PALM2AKAP2: variants seen among roughly 807,000 people sequenced by gnomAD.
The protein encoded by PALM2AKAP2 is PALM2 and AKAP2 fusion.
A neutral mutation model predicts 71.5 loss-of-function variants in PALM2AKAP2; 37 were observed. The ratio of observed to expected loss-of-function variants is 0.52; its 90% CI spans 0.40 to 0.68. The LOEUF (loss-of-function observed/expected upper bound fraction) is 0.68. Ranked by LOEUF, PALM2AKAP2 falls within the 30% of genes least tolerant of loss-of-function variation. PALM2AKAP2 has a pLI of 0.00. For missense variants in PALM2AKAP2, 1,224 were observed against 1,191.8 expected (o/e 1.03, Z -0.40); for synonymous variants, 468 against 478.8 (o/e 0.98, Z 0.29).
At chr9:109,743,137 C>T (rs1456130459) in intron 1 of PALM2AKAP2, among the ~76,000 whole-genome samples, 1 of 152,076 alleles carries the variant, frequency 6.6e-6, no homozygotes, top group African/African-American at 2.4e-5. Flanking sequence ...CTCTATTCAC[C>T]CAACCTCCAC....
At chr9:109,688,705 G>A (rs1178996900) in intron 1 of PALM2AKAP2, among the ~76,000 whole-genome samples, 1 of 152,220 alleles carries the variant, frequency 6.6e-6, no homozygotes, top group Admixed American at 6.5e-5. Flanking sequence ...GATTAAGCTT[G>A]CAGTATGAGT....
chr9:110,025,083 A>C, intron 7 of PALM2AKAP2: 2 of 1,089,084 alleles, frequency 1.8e-6, no homozygotes, highest in Non-Finnish European at 1.4e-6. Context: ...TAATGTGCTC[A>C]ATATGCACAT....
intron 1 of PALM2AKAP2, among the ~76,000 whole-genome samples, chr9:109,715,823 T>C (rs1428751381): frequency 6.6e-6 from 1 of 152,240 alleles, no homozygotes; most frequent in Non-Finnish European, 1.5e-5. Context: ...CCATTTCTTC[T>C]TCTTCTTTCT....
chr9:109,658,898 T>C (rs1403493067), intron 1 of PALM2AKAP2, among the ~76,000 whole-genome samples: 1 of 152,196 alleles, frequency 6.6e-6, no homozygotes, highest in Non-Finnish European at 1.5e-5. Context: ...AAAGTACTTA[T>C]AAATAAATAT....
At chr9:109,868,917 G>A (rs921875783) in intron 2 of PALM2AKAP2, among the ~76,000 whole-genome samples, 4 of 152,184 alleles carry the variant, frequency 2.6e-5, no homozygotes, top group African/African-American at 9.7e-5. Flanking sequence ...CAGAGAGGGG[G>A]CCTTAAAAAC....
At chr9:110,131,036 ATC>A (rs1835723932) in intron 1 of PALM2AKAP2, among the ~76,000 whole-genome samples, 1 of 152,152 alleles carries the variant, frequency 6.6e-6, no homozygotes, top group African/African-American at 2.4e-5. Flanking sequence ...GGGGCGTGGG[ATC>A]TCTCATTGGA....
At chr9:109,770,729 T>A (rs1829247201) in intron 1 of PALM2AKAP2, among the ~76,000 whole-genome samples, 1 of 151,194 alleles carries the variant, frequency 6.6e-6, no homozygotes, top group African/African-American at 2.4e-5. Context: ...CACTCAGGAG[T>A]TTTTACTGGA....
At chr9:110,126,917 G>A (rs1192962853) in intron 1 of PALM2AKAP2, among the ~76,000 whole-genome samples, 2 of 152,208 alleles carry the variant, frequency 1.3e-5, no homozygotes, top group Admixed American at 6.5e-5. Flanking sequence ...TATGGTGCTG[G>A]GGGAGACTCC....
intron 1 of PALM2AKAP2, among the ~76,000 whole-genome samples, chr9:109,689,156 AT>A (rs1374971747): frequency 2.7e-5 from 4 of 147,086 alleles, no homozygotes. Flanking sequence ...CTGATCTTCA[AT>A]TTTTTCATCT....
intron 1 of PALM2AKAP2, among the ~76,000 whole-genome samples, chr9:109,695,536 C>T (rs1827957933): frequency 6.6e-6 from 1 of 152,034 alleles, no homozygotes. Flanking sequence ...ATTTGCGTTT[C>T]CCTGATGATT....
At chr9:109,641,993 T>C (rs1827076245) in intron 1 of PALM2AKAP2, among the ~76,000 whole-genome samples, 1 of 152,360 alleles carries the variant, frequency 6.6e-6, no homozygotes, top group South Asian at 2.1e-4. Context: ...ACTGCTGTTA[T>C]TGATTTCCTA....
At chr9:109,833,977 C>G (rs535032410) in intron 1 of PALM2AKAP2, among the ~76,000 whole-genome samples, 1 of 152,304 alleles carries the variant, frequency 6.6e-6, no homozygotes. Context: ...CTTCGGGAGG[C>G]CAAGGCGGGC....
At chr9:109,700,141 T>C (rs1828031646) in intron 1 of PALM2AKAP2, among the ~76,000 whole-genome samples, 2 of 152,138 alleles carry the variant, frequency 1.3e-5, no homozygotes, top group South Asian at 4.1e-4. Flanking sequence ...ACCAAATTCA[T>C]TCTGCACTTG....
Position 110,138,546 on chromosome 9 carries a change from G to A in PALM2AKAP2, c.2569+7G>A, listed in dbSNP as rs768964636. The A allele has an allele frequency of 6.3e-7, 1 of 1,582,258 alleles. No individual in the cohort carries two copies. The highest frequency in any genetic ancestry group is 8.6e-7 in the Non-Finnish European group (1 of 1,165,646). On this transcript the variant is annotated splice_region_variant and intron_variant, in intron 2 of 3. Coordinates refer to ENST00000374525, the Ensembl canonical transcript of PALM2AKAP2. ...TGCTACAAAACTGCTCCAGGTAAGT[G>A]AGGTGCCTCACATGAGAGACAGATG...
intron 6 of PALM2AKAP2, among the ~76,000 whole-genome samples, chr9:110,014,243 T>A (rs1214799160): frequency 6.6e-6 from 1 of 152,130 alleles, no homozygotes; most frequent in Non-Finnish European, 1.5e-5. Flanking sequence ...GAGAAAAGTA[T>A]TTTTTTAGGA....
intron 6 of PALM2AKAP2, among the ~76,000 whole-genome samples, chr9:109,992,939 GTATATA>G (rs372571970): frequency 7.2e-6 from 1 of 138,916 alleles, no homozygotes; most frequent in Non-Finnish European, 1.6e-5. Flanking sequence ...TCATATATAT[GTATATA>G]TATATATATA....
chr9:110,010,480 T>C (rs1272858663), intron 6 of PALM2AKAP2, among the ~76,000 whole-genome samples: 1 of 148,124 alleles, frequency 6.8e-6, no homozygotes, highest in East Asian at 1.9e-4. Flanking sequence ...ATACATACTA[T>C]ATATGTATAG....
intron 6 of PALM2AKAP2, among the ~76,000 whole-genome samples, chr9:109,998,782 A>AAG (rs992151546): frequency 2.1e-4 from 31 of 144,796 alleles, no homozygotes; most frequent in African/African-American, 3.3e-4. Context: ...AAAAAAAAAA[A>AAG]GGGGGGATAG....
chr9:109,741,699 C>T (rs1283272395), intron 1 of PALM2AKAP2, among the ~76,000 whole-genome samples: 1 of 152,154 alleles, frequency 6.6e-6, no homozygotes, highest in Non-Finnish European at 1.5e-5. Context: ...CTGTCTACTC[C>T]AAGATCGTGA....
Sources: allele counts gnomAD v4.1 joint callset (sites outside exome capture counted in the v4.1 genomes callset), GRCh38; gene constraint gnomAD v4.1.1; transcripts MANE v1.5; gene names NCBI Gene and HGNC (gene_info 2026-07-23, HGNC 2026-07-21).